Variants in MUS81 observed in about 807,000 individuals in gnomAD.
The protein encoded by MUS81 is structure-specific endonuclease subunit MUS81.
A neutral mutation model predicts 74.2 loss-of-function variants in MUS81; 69 were observed. The ratio of observed to expected loss-of-function variants is 0.93; its 90% CI spans 0.77 to 1.14. MUS81 has a LOEUF of 1.14. Ranked by LOEUF, MUS81 falls within the 50% of genes most tolerant of loss-of-function variation. MUS81 has a pLI of 0.00. For missense variants in MUS81, 711 were observed against 726.5 expected, an observed-to-expected ratio of 0.98 and a Z score of 0.25; for synonymous variants, 303 against 300.6, an observed-to-expected ratio of 1.01 and a Z score of -0.08.
rs1245288985 is a variant in MUS81, at chr11:65,865,302, A to G, written c.1484A>G (p.Asp495Gly). The stretch of plus-strand genomic sequence containing the variant: ...GGGGAGAAGGCAGCAGCCCTGGTGG[A>G]TCGATACAGCACCCCTGCCAGGTAG... ...VSGEKAAALV[D>G]RYSTPASLLA... The change falls in exon 14 of 16, where the codon GAT becomes GGT. Residue 495 changes from aspartate to glycine, a missense_variant. Transcript: ENST00000308110. 1 of 1,614,040 alleles carries G rather than the reference A, an allele frequency of 6.2e-7. No homozygotes were observed. The highest frequency in any genetic ancestry group is 1.7e-5 in the Admixed American group (1 of 59,996).
Position 65,863,034 on chromosome 11 carries a change from G to A in MUS81, c.606-31G>A, listed in dbSNP as rs558490010. The stretch of plus-strand genomic sequence containing the variant: ...AGCCTGCCAGGAATGAGTGAAGAAG[G>A]TAGAGCTGTGTTGTCCCCTCTGCCT... On this transcript the variant is annotated intron_variant, in intron 6 of 15. Coordinates refer to ENST00000308110, the MANE Select transcript of MUS81 (RefSeq NM_025128.5). 3.1e-5 allele frequency: 50 copies of A among 1,613,492 alleles called. 1 individual carries two copies. The South Asian group carries it at 5.4e-4, about 17-fold the overall frequency.
rs185303954 is a variant in MUS81 at position 65,865,967 on chromosome 11, G to T, written c.1590-19G>T. 1.2e-6 allele frequency: 2 copies of T among 1,613,936 alleles called. No homozygotes were observed. Among genetic ancestry groups the T allele is most frequent in the South Asian group, 2.2e-5 (2 of 91,074 alleles). ...GCCCTAGGCCCAGGGCGTGACCCTC[G>T]CTGCCTCTCTTCCTGCAGGAATCTG... On this transcript the variant is annotated intron_variant, in intron 15 of 15. Coordinates refer to ENST00000308110, the MANE Select transcript of MUS81 (RefSeq NM_025128.5).
chr11:65,863,005 G>A, intron 6 of MUS81, 60 bp from the exon 7 acceptor site: 1 of 1,610,104 alleles, frequency 6.2e-7, no homozygotes. Flanking sequence ...GGGGCAGGCA[G>A]GAAAGCCTGC....
At position 65,861,190 on chromosome 11, in the gene MUS81, C is replaced by G. The variant is rs543946245; in HGVS notation, c.265+88C>G. On this transcript the variant is annotated intron_variant, in intron 2 of 15. Transcript: ENST00000308110. The stretch of plus-strand genomic sequence containing the variant: ...CCTGGGAGCCCTTGGCTTTTAAGCT[C>G]CCCACTCCTGTCCCAGTTGCCGTTC... 4.4e-6 allele frequency: 7 copies of G among 1,592,986 alleles called. No homozygotes were observed. In the South Asian group the frequency reaches 7.8e-5, roughly 18 times the overall value.
downstream of MUS81, chr11:65,867,187 C>G (rs920772081): frequency 7.1e-5 from 98 of 1,384,256 alleles, no homozygotes; most frequent in Non-Finnish European, 9.6e-5. Flanking sequence ...AGGAACAGCC[C>G]TGGCCAGGCT....
Position 65,862,231 on chromosome 11 carries a change from C to T in MUS81, c.471C>T (p.Phe157=), listed in dbSNP as rs1271545124. The T allele has an allele frequency of 6.2e-7, 1 of 1,613,612 alleles. No homozygotes were observed. Among genetic ancestry groups the T allele is most frequent in the African/African-American group, 1.3e-5 (1 of 74,920 alleles). Reference sequence around the variant, plus strand: ...TTCAGAATCCTAATGGTCACCACTTCTTAACCAAGGAGGAGCTGCTGCAGA... The same window carrying T: ...TTCAGAATCCTAATGGTCACCACTTTTTAACCAAGGAGGAGCTGCTGCAGA... ...REHLNPNGHH[F]LTKEELLQRC... The change falls in exon 5 of 16, where the codon TTC becomes TTT. Residue 157 remains phenylalanine, a synonymous_variant. Transcript: ENST00000308110.
At chr11:65,867,489 GTCACTGTGAGCAGC>G (rs961226707), downstream of MUS81, 8 of 429,834 alleles carry the variant, frequency 1.9e-5, no homozygotes, top group African/African-American at 1.0e-4. Flanking sequence ...GCGGCTGCCA[GTCACTGTGAGCAGC>G]TCACTGTGAG....
chr11:65,866,167 G>A lies in MUS81; in HGVS notation c.*115G>A, dbSNP rs1859829236. 1 of 1,035,416 alleles carries A rather than the reference G, an allele frequency of 9.7e-7. No individual in the cohort carries two copies. The highest frequency in any genetic ancestry group is 1.6e-5 in the South Asian group (1 of 63,196). The allele number at this position is 1,035,416 out of a possible 1,614,324, so 64.1% of individuals were successfully genotyped here. A position where few individuals can be genotyped will look rare whatever the true frequency, so the allele number is the denominator to read the frequency against. On this transcript the variant is annotated 3_prime_UTR_variant, in exon 16 of 16. Coordinates refer to ENST00000308110, the MANE Select transcript of MUS81 (RefSeq NM_025128.5). ...AATCTAAGTGTTTGCAGCCATATGT[G>A]TCATGTAGAAGATGCCTAGCCCTGG...
chr11:65,867,464 C>T (rs1859873779), downstream of MUS81: 3 of 429,354 alleles, frequency 7.0e-6, no homozygotes, highest in African/African-American at 4.0e-5. Flanking sequence ...CCTTCTCCTG[C>T]TGAGACCCAT....
In MUS81 at chr11:65,865,883, G is replaced by C. The variant is rs1270998886; in HGVS notation, c.1578G>C (p.Gly526=). 6.2e-7 allele frequency: 1 copy of C among 1,614,176 alleles called. No homozygotes were observed. The part of the protein sequence containing the change: ...QETLLSTIKC[G]RLQRNLGPAL... ...CACTGCTGAGCACCATTAAGTGTGGGCGTCTACAGAGGTGAGGGCAAGAGA... is the reference window on the plus strand; with the variant it reads ...CACTGCTGAGCACCATTAAGTGTGGCCGTCTACAGAGGTGAGGGCAAGAGA... Residue 526 remains glycine, a synonymous_variant, in exon 15 of 16, where the codon GGG becomes GGC. Transcript: ENST00000308110.
chr11:65,863,471 C>G lies in MUS81; in HGVS notation c.808C>G (p.Leu270Val). 6.2e-7 allele frequency: 1 copy of G among 1,614,094 alleles called. No homozygotes were observed. The highest frequency in any genetic ancestry group is 8.5e-7 in the Non-Finnish European group (1 of 1,179,998). ...GCTGAGGCCTGGAGAGTACAGGGTG[C>G]TGTTGTGTGTGGACATTGGCGAGAC... ...LELRPGEYRV[L>V]LCVDIGETRG... The change falls in exon 8 of 16, where the codon CTG becomes GTG. Residue 270 changes from leucine to valine, a missense_variant. Coordinates refer to ENST00000308110, the MANE Select transcript of MUS81 (RefSeq NM_025128.5).
chr11:65,865,172 C>T (rs1374124346), intron 13 of MUS81, 27 bp downstream of exon 13: 1 of 1,614,100 alleles, frequency 6.2e-7, no homozygotes, highest in African/African-American at 1.3e-5. Context: ...GCTTCTCAGA[C>T]ATGGCCTGGC....
At chr11:65,864,079 A>T in intron 10 of MUS81, 178 bp downstream of exon 10, 1 of 642,922 alleles carries the variant, frequency 1.6e-6, no homozygotes, top group South Asian at 1.9e-5. Flanking sequence ...GGCGCACAGT[A>T]GGAAGCCAGG....
chr11:65,862,204 G>A lies in MUS81; in HGVS notation c.451-7G>A. 2 of 1,613,426 alleles carry A rather than the reference G, an allele frequency of 1.2e-6. No individual in the cohort carries two copies. Among genetic ancestry groups the A allele is most frequent in the East Asian group, 2.2e-5 (1 of 44,890 alleles). ...AGCCTACCCTGTCTTTTCTACCTTG[G>A]TTTCAGAATCCTAATGGTCACCACT... On this transcript the variant is annotated splice_polypyrimidine_tract_variant and splice_region_variant and intron_variant, in intron 4 of 15. Transcript: ENST00000308110.
At position 65,866,062 on chromosome 11, in the gene MUS81, G is replaced by A. The variant is rs200545286; in HGVS notation, c.*10G>A. On this transcript the variant is annotated 3_prime_UTR_variant, in exon 16 of 16. Coordinates refer to ENST00000308110, the MANE Select transcript of MUS81 (RefSeq NM_025128.5). ...CGGCCCCTTGACCTGAGCTTATGCC[G>A]TGAAACAGCCCCCAGCCCCCGTCTG... 1.3e-5 allele frequency: 21 copies of A among 1,613,026 alleles called. No homozygotes were observed. The South Asian group carries it at 1.4e-4, about 11-fold the overall frequency.
rs770914783 is a variant in MUS81, at chr11:65,865,239, T to C, written c.1421T>C (p.Val474Ala). 16 of 1,613,610 alleles carry C rather than the reference T, an allele frequency of 9.9e-6. No homozygotes were observed. Among genetic ancestry groups the C allele is most frequent in the South Asian group, 5.5e-5 (5 of 91,060 alleles). Residue 474 changes from valine (V) to alanine (A), a missense_variant, in exon 14 of 16, where the codon GTG (valine) becomes GCG (alanine). Transcript: ENST00000308110. Reference sequence around the variant, plus strand: ...ACCCAGGCCCAGTCGGTGCGAGAAGTGTTTGCCCGGCAGCTGATGCAGGTG... The same window carrying C: ...ACCCAGGCCCAGTCGGTGCGAGAAGCGTTTGCCCGGCAGCTGATGCAGGTG... ...IKNKAQSVRE[V>A]FARQLMQVRG...
At chr11:65,861,542 T>G (rs1859606244) in intron 3 of MUS81, 107 bp downstream of exon 3, 6 of 877,442 alleles carry the variant, frequency 6.8e-6, no homozygotes, top group Admixed American at 4.9e-5. Flanking sequence ...CAGTGATGCC[T>G]GGCCTTGAGC....
At chr11:65,860,191 C>T (rs770410313), upstream of MUS81, 5 of 448,114 alleles carry the variant, frequency 1.1e-5, no homozygotes, top group South Asian at 6.2e-5. Context: ...GGGTGTCCCT[C>T]CCACCAATAC....
chr11:65,867,344 C>T (rs917844648), downstream of MUS81: 4 of 552,720 alleles, frequency 7.2e-6, no homozygotes, highest in African/African-American at 7.6e-5. Flanking sequence ...CGATTCAAGG[C>T]CACATGTGGC....
Sources: allele counts gnomAD v4.1 joint callset, GRCh38; gene constraint gnomAD v4.1.1; transcripts MANE v1.5; gene names NCBI Gene and HGNC (gene_info 2026-07-23, HGNC 2026-07-21).